The following MKNK1 variants were observed in gnomAD, a reference collection of about 807,000 sequenced individuals.
The protein encoded by MKNK1 is MAP kinase-interacting serine/threonine-protein kinase 1.
Under a neutral mutation model 49.3 loss-of-function variants are expected in MKNK1, and 30 were observed. The observed-to-expected ratio is 0.61, with a 90% CI of 0.46 to 0.83. The LOEUF (loss-of-function observed/expected upper bound fraction) is 0.83, where lower values mean the gene tolerates loss of function less well. MKNK1 is among the 40% of genes least tolerant of loss of function. The probability of loss-of-function intolerance (pLI) is 0.00; values close to 1 mark genes in which losing one functional copy is unlikely to be tolerated. For synonymous variants in MKNK1, 176 were observed against 201.7 expected, an observed-to-expected ratio of 0.87 and a Z score of 1.08; for missense variants, 423 against 524.7, an observed-to-expected ratio of 0.81 and a Z score of 1.89.
chr1:46,589,402 A>G lies in MKNK1; in HGVS notation c.-3+4711T>C, dbSNP rs923152147. Reference sequence around the variant, plus strand: ...GAGGGACACAGGGCCGGTGGGGGCCACTGGTGATCACTCAGGCTGGCAGGG... The same window carrying G: ...GAGGGACACAGGGCCGGTGGGGGCCGCTGGTGATCACTCAGGCTGGCAGGG... On this transcript the variant is annotated intron_variant, in intron 2 of 12. Coordinates refer to ENST00000371945, the MANE Select transcript of MKNK1 (RefSeq NM_001135553.4). This position sits in a 1 kb window ranked among gnomAD's most constrained non-coding sequence, Gnocchi z 4.3. Among the ~76,000 whole-genome samples, 26 of 152,172 alleles carry G rather than the reference A, an allele frequency of 1.7e-4. No homozygotes were observed. Among genetic ancestry groups the G allele is most frequent in the African/African-American group, 5.3e-4 (22 of 41,448 alleles).
chr1:46,591,685 C>T (rs1413305284), intron 2 of MKNK1, among the ~76,000 whole-genome samples: 2 of 152,206 alleles, frequency 1.3e-5, no homozygotes, highest in African/African-American at 2.4e-5. Context: ...GTCTACCTTC[C>T]AGCCTCAGCA....
At chr1:46,584,796 T>C (rs1054701672) in intron 2 of MKNK1, 8 of 152,140 alleles carry the variant, frequency 5.3e-5, no homozygotes, top group African/African-American at 1.7e-4. Context: ...TCCATCCATT[T>C]TGGGGATCTG....
chr1:46,594,687 T>A (rs904178150), intron 1 of MKNK1, among the ~76,000 whole-genome samples: 4 of 151,938 alleles, frequency 2.6e-5, no homozygotes, highest in Non-Finnish European at 5.9e-5. Context: ...CTCTGAGGAG[T>A]CTCAGGCAAA....
chr1:46,572,221 A>G, intron 6 of MKNK1, 54 bp from the exon 7 acceptor site: 1 of 1,488,892 alleles, frequency 6.7e-7, no homozygotes, highest in Middle Eastern at 1.7e-4. Flanking sequence ...AGTAAGTATA[A>G]GTTTTTTTTT....
chr1:46,557,857 T>C lies in MKNK1; in HGVS notation c.*718A>G, dbSNP rs1667260246. ...CAGTGGGAGTTTAAGGTATCATCTT[T>C]GCTGGAACAGCATGGTTAAAAACAC... On this transcript the variant is annotated 3_prime_UTR_variant, in exon 13 of 13. Transcript: ENST00000371945. 1 of 152,286 alleles carries C rather than the reference T, an allele frequency of 6.6e-6. No homozygotes were observed. Among genetic ancestry groups the C allele is most frequent in the South Asian group, 2.1e-4 (1 of 4,836 alleles). The allele number at this position is 152,286 out of a possible 1,614,324, so 9.4% of individuals were successfully genotyped here.
At chr1:46,561,345 A>G (rs962775016) in intron 11 of MKNK1, 133 bp downstream of exon 11, 1 of 991,856 alleles carries the variant, frequency 1.0e-6, no homozygotes, top group Non-Finnish European at 1.4e-6. Flanking sequence ...CTACACACTC[A>G]GGGATAGACG....
At chr1:46,575,389 T>C (rs559439908) in intron 5 of MKNK1, 12 of 170,402 alleles carry the variant, frequency 7.0e-5, no homozygotes, top group African/African-American at 1.2e-4. Flanking sequence ...GTGTGTGTCC[T>C]GGAGGCAAGC....
chr1:46,580,847 C>T (rs138550447), intron 3 of MKNK1, among the ~76,000 whole-genome samples: 9 of 152,244 alleles, frequency 5.9e-5, no homozygotes, highest in South Asian at 4.1e-4. Flanking sequence ...CTCATTTTAG[C>T]GATGAGGTTA....
chr1:46,561,790 ACT>A, intron 10 of MKNK1, 148 bp from the exon 11 acceptor site: 1 of 802,908 alleles, frequency 1.2e-6, no homozygotes, highest in South Asian at 1.7e-5. Flanking sequence ...CTCTTCCCAG[ACT>A]CACCCCGCAC....
At chr1:46,563,954 A>G (rs1570041110) in intron 9 of MKNK1, among the ~76,000 whole-genome samples, 1 of 145,652 alleles carries the variant, frequency 6.9e-6, no homozygotes, top group South Asian at 2.4e-4. Flanking sequence ...CTGAGGCAGG[A>G]GGATGGCATG....
intron 1 of MKNK1, among the ~76,000 whole-genome samples, chr1:46,596,199 G>A (rs1674043423): frequency 6.6e-6 from 1 of 152,144 alleles, no homozygotes; most frequent in Admixed American, 6.5e-5. Flanking sequence ...TCTTTGTTAT[G>A]ACTCAATTTT....
In MKNK1 at chr1:46,581,383, G is replaced by A. The variant is rs530098829; in HGVS notation, c.101-756C>T. On this transcript the variant is annotated intron_variant, in intron 3 of 12. Transcript: ENST00000371945. ...AAATTAGCTGGGTGTGGTGGCACGC[G>A]CCTAAAGTCCCAGCTATTTCGGGGG... Among the ~76,000 whole-genome samples the A allele has an allele frequency of 1.4e-4, 22 of 151,880 alleles. No homozygotes were observed. In the South Asian group the frequency reaches 4.2e-3, roughly 29 times the overall value.
chr1:46,575,373 T>C (rs1670801282), intron 5 of MKNK1: 1 of 185,848 alleles, frequency 5.4e-6, no homozygotes, highest in African/African-American at 2.4e-5. Flanking sequence ...TAACACTGAA[T>C]ACTAGGTGTG....
intron 1 of MKNK1, chr1:46,594,945 C>G: frequency 3.3e-6 from 1 of 302,288 alleles, no homozygotes; most frequent in South Asian, 2.4e-5. Context: ...CAAGATCATG[C>G]CACTGCACTC....
At chr1:46,584,430 A>C (rs1672201956) in intron 2 of MKNK1, 1 of 151,938 alleles carries the variant, frequency 6.6e-6, no homozygotes, top group African/African-American at 2.4e-5. Context: ...CTGATGGGGC[A>C]TACGATGTGA....
chr1:46,592,905 G>A (rs893241879), intron 2 of MKNK1, among the ~76,000 whole-genome samples: 2 of 152,086 alleles, frequency 1.3e-5, no homozygotes, highest in Non-Finnish European at 2.9e-5. Context: ...CAAACAGGGG[G>A]AAAATTCAGG....
chr1:46,562,215 GA>G (rs1354915280), intron 10 of MKNK1, among the ~76,000 whole-genome samples: 2 of 151,888 alleles, frequency 1.3e-5, no homozygotes, highest in African/African-American at 4.8e-5. Context: ...CTAACACGAT[GA>G]AACCCCGTCT....
chr1:46,587,827 A>C (rs1037795913), intron 2 of MKNK1, among the ~76,000 whole-genome samples: 2 of 152,184 alleles, frequency 1.3e-5, no homozygotes, highest in Non-Finnish European at 2.9e-5. Flanking sequence ...CAAAAAAAAA[A>C]CAAAAAATAC....
chr1:46,570,855 C>G (rs1441132276), intron 7 of MKNK1, among the ~76,000 whole-genome samples: 1 of 152,194 alleles, frequency 6.6e-6, no homozygotes, highest in African/African-American at 2.4e-5. Flanking sequence ...AATACAAACA[C>G]AAGATACACA....
Sources: gnomAD v4.1 joint callset for allele counts (sites outside exome capture counted in the v4.1 genomes callset) on GRCh38, gnomAD v4.1.1 for gene constraint, Gnocchi (gnomAD v3.1) non-coding constraint, MANE v1.5 for transcripts, NCBI Gene and HGNC (gene_info 2026-07-23, HGNC 2026-07-21) for gene names.